ZNF385B: variants seen among roughly 807,000 people sequenced by gnomAD.
ZNF385B encodes the protein zinc finger protein 533.
In ZNF385B, 23 loss-of-function variants were observed where a neutral mutation model predicts 39.2. That is an observed-to-expected ratio of 0.59 (90% CI 0.42 to 0.83). The LOEUF is 0.83. Ranked by LOEUF, ZNF385B falls within the 40% of genes least tolerant of loss-of-function variation. ZNF385B has a pLI of 0.00. For synonymous variants in ZNF385B, 205 were observed against 222.6 expected, an observed-to-expected ratio of 0.92 and a Z score of 0.70; for missense variants, 552 against 598.9, an observed-to-expected ratio of 0.92 and a Z score of 0.82.
At chr2:179,513,301 G>A (rs2057823924) in intron 5 of ZNF385B, among the ~76,000 whole-genome samples, 1 of 152,314 alleles carries the variant, frequency 6.6e-6, no homozygotes, top group African/African-American at 2.4e-5. Flanking sequence ...TAAACACTGA[G>A]AACAAGTACA....
intron 5 of ZNF385B, among the ~76,000 whole-genome samples, chr2:179,502,985 C>T (rs897281016): frequency 1.3e-5 from 2 of 152,126 alleles, no homozygotes; most frequent in Non-Finnish European, 2.9e-5. Flanking sequence ...AGCAATCTCC[C>T]CACCTCAGCC....
At chr2:179,489,049 A>C (rs1315409130) in intron 5 of ZNF385B, among the ~76,000 whole-genome samples, 1 of 152,188 alleles carries the variant, frequency 6.6e-6, no homozygotes, top group African/African-American at 2.4e-5. Flanking sequence ...AGAATATGAG[A>C]ATCAGGAGAG....
intron 4 of ZNF385B, 132 bp downstream of exon 4, chr2:179,544,695 C>G: frequency 1.8e-6 from 2 of 1,117,154 alleles, no homozygotes; most frequent in Non-Finnish European, 2.7e-6. Flanking sequence ...TTTCATAGCA[C>G]AACTGAGCAG....
At chr2:179,445,880 T>G in intron 7 of ZNF385B, 152 bp from the exon 8 acceptor site, 1 of 680,466 alleles carries the variant, frequency 1.5e-6, no homozygotes, top group Non-Finnish European at 2.2e-6. Context: ...TTTAACACGT[T>G]ATTGTAAAAA....
At chr2:179,618,590 AC>A (rs1689950851) in intron 3 of ZNF385B, among the ~76,000 whole-genome samples, 1 of 152,046 alleles carries the variant, frequency 6.6e-6, no homozygotes, top group South Asian at 2.1e-4. Flanking sequence ...TCTTCCTGTA[AC>A]CATAGCACTC....
At chr2:179,525,981 A>G (rs568598795) in intron 4 of ZNF385B, among the ~76,000 whole-genome samples, 1 of 152,254 alleles carries the variant, frequency 6.6e-6, no homozygotes, top group South Asian at 2.1e-4. Context: ...TTTTCTCTTA[A>G]AGATCAAGAA....
At chr2:179,621,566 T>A (rs1690216583) in intron 3 of ZNF385B, among the ~76,000 whole-genome samples, 1 of 152,208 alleles carries the variant, frequency 6.6e-6, no homozygotes, top group Admixed American at 6.5e-5. Flanking sequence ...TGCAAAGAAA[T>A]GCATGCAATT....
chr2:179,631,013 G>A (rs967975507), intron 3 of ZNF385B, among the ~76,000 whole-genome samples: 22 of 152,164 alleles, frequency 1.4e-4, no homozygotes, highest in Non-Finnish European at 7.3e-5. Context: ...AGAAACAGGG[G>A]GCTATGTGAA....
intron 6 of ZNF385B, among the ~76,000 whole-genome samples, chr2:179,478,875 T>C (rs1383993750): frequency 6.6e-6 from 1 of 152,194 alleles, no homozygotes; most frequent in East Asian, 1.9e-4. Context: ...ATTTGATGTA[T>C]TGGGCATATT....
intron 1 of ZNF385B, among the ~76,000 whole-genome samples, chr2:179,814,922 T>G (rs1323773632): frequency 1.3e-5 from 2 of 152,166 alleles, no homozygotes; most frequent in Non-Finnish European, 2.9e-5. Context: ...TTGGTAAAAA[T>G]GCATATAAAA....
At chr2:179,469,521 G>T (rs1023445019) in intron 6 of ZNF385B, among the ~76,000 whole-genome samples, 9 of 152,042 alleles carry the variant, frequency 5.9e-5, no homozygotes, top group Admixed American at 4.6e-4. Context: ...ACCACGAAGG[G>T]ACTACACTAT....
intron 4 of ZNF385B, among the ~76,000 whole-genome samples, chr2:179,522,141 AT>A (rs1297101007): frequency 4.6e-5 from 7 of 152,190 alleles, no homozygotes; most frequent in Non-Finnish European, 1.0e-4. Context: ...TGTTTTGAGT[AT>A]TTGCCCTCTG....
At chr2:179,474,653 A>AT (rs148828953) in intron 6 of ZNF385B, among the ~76,000 whole-genome samples, 1,872 of 152,222 alleles carry the variant, frequency 0.012, 48 homozygotes, top group African/African-American at 0.042. Flanking sequence ...TATTAAAATT[A>AT]TTTTTTGCAT....
intron 3 of ZNF385B, among the ~76,000 whole-genome samples, chr2:179,557,563 T>C (rs537004358): frequency 4.0e-5 from 4 of 100,902 alleles, no homozygotes; most frequent in East Asian, 2.6e-4. Flanking sequence ...ATACATGTTA[T>C]ATATGTATGT....
At chr2:179,542,701 T>G (rs2059992786) in intron 4 of ZNF385B, among the ~76,000 whole-genome samples, 1 of 152,138 alleles carries the variant, frequency 6.6e-6, no homozygotes, top group African/African-American at 2.4e-5. Context: ...ATGTAAGACA[T>G]TTTGATAACA....
intron 3 of ZNF385B, among the ~76,000 whole-genome samples, chr2:179,662,804 G>A (rs1171847891): frequency 1.3e-5 from 2 of 151,972 alleles, no homozygotes; most frequent in Non-Finnish European, 2.9e-5. Flanking sequence ...CTGCTTCCAA[G>A]TTCTTTTACT....
At position 179,751,179 on chromosome 2, in the gene ZNF385B, C is replaced by T. The variant is rs528480044; in HGVS notation, c.298+18324G>A. On this transcript the variant is annotated intron_variant, in intron 3 of 9. Transcript: ENST00000410066. Reference sequence around the variant, plus strand: ...CCACCCTCCCCACCCCCTGCCATGTCTCCCCTACAGATTCTGCCTACTGCA... The same window carrying T: ...CCACCCTCCCCACCCCCTGCCATGTTTCCCCTACAGATTCTGCCTACTGCA... Among the ~76,000 whole-genome samples the T allele has an allele frequency of 1.7e-4, 18 of 107,492 alleles. 1 individual carries two copies. Among genetic ancestry groups the T allele is most frequent in the African/African-American group, 5.4e-4 (15 of 27,916 alleles). 70.5% of individuals were successfully genotyped at this position (107,492 alleles called of 152,430 possible). A position where few individuals can be genotyped will look rare whatever the true frequency, so the allele number is the denominator to read the frequency against.
intron 3 of ZNF385B, among the ~76,000 whole-genome samples, chr2:179,717,818 T>C (rs2106398393): frequency 6.6e-6 from 1 of 152,348 alleles, no homozygotes; most frequent in Middle Eastern, 3.4e-3. Context: ...AAAACAATTA[T>C]GAGGATGAGG....
At chr2:179,676,795 C>T (rs1440020626) in intron 3 of ZNF385B, among the ~76,000 whole-genome samples, 1 of 152,100 alleles carries the variant, frequency 6.6e-6, no homozygotes, top group Non-Finnish European at 1.5e-5. Flanking sequence ...TTGTTGTCAC[C>T]ACTGAGGTGG....
Sources: gnomAD v4.1 joint callset for allele counts (sites outside exome capture counted in the v4.1 genomes callset) on GRCh38, gnomAD v4.1.1 for gene constraint, MANE v1.5 for transcripts, NCBI Gene and HGNC (gene_info 2026-07-23, HGNC 2026-07-21) for gene names.